The following S100Z variants were observed in gnomAD, a reference collection of about 807,000 sequenced individuals.
S100Z encodes S100 calcium binding protein Z.
S100Z carries 11 observed loss-of-function variants against 8.5 expected under a neutral mutation model. The observed-to-expected ratio is 1.30, with a 90% CI of 0.82 to 2.15. The LOEUF (loss-of-function observed/expected upper bound fraction) is 2.15. Ranked by LOEUF, S100Z falls within the 30% of genes most tolerant of loss-of-function variation. The pLI is 0.00. For synonymous variants in S100Z, 34 were observed against 43.8 expected, an observed-to-expected ratio of 0.78 and a Z score of 0.89; for missense variants, 126 against 117.9, an observed-to-expected ratio of 1.07 and a Z score of -0.32.
chr5:76,878,494 C>G (rs1743279436), intron 4 of S100Z, among the ~76,000 whole-genome samples: 2 of 152,188 alleles, frequency 1.3e-5, no homozygotes, highest in Admixed American at 1.3e-4. Flanking sequence ...CGGTAGGCCC[C>G]AAGGGAGGCC....
the S100Z span, among the ~76,000 whole-genome samples, chr5:76,930,236 G>T: frequency 6.6e-6 from 1 of 152,218 alleles, no homozygotes; most frequent in Non-Finnish European, 1.5e-5. Context: ...GTTAGACAGA[G>T]ATTCTCAGAC....
At chr5:76,869,536 T>C (rs902380728) in intron 1 of S100Z, among the ~76,000 whole-genome samples, 1 of 152,192 alleles carries the variant, frequency 6.6e-6, no homozygotes, top group Non-Finnish European at 1.5e-5. Context: ...ACCCTTTGAA[T>C]GGCCAGGAGC....
At chr5:76,929,579 T>C in the S100Z span, among the ~76,000 whole-genome samples, 1 of 152,116 alleles carries the variant, frequency 6.6e-6, no homozygotes, top group Non-Finnish European at 1.5e-5. Context: ...CCAATAGAAC[T>C]CAGTATTTTG....
At chr5:76,909,588 A>G (rs1180491715) in intron 4 of S100Z, among the ~76,000 whole-genome samples, 1 of 152,042 alleles carries the variant, frequency 6.6e-6, no homozygotes, top group Admixed American at 6.6e-5. Context: ...TCCCCTTCCT[A>G]TTAATGATAA....
intron 1 of S100Z, among the ~76,000 whole-genome samples, chr5:76,852,259 C>G (rs1750752624): frequency 6.6e-6 from 1 of 152,068 alleles, no homozygotes; most frequent in Non-Finnish European, 1.5e-5. Flanking sequence ...TGAACTCACC[C>G]TTCTATCAAA....
At chr5:76,876,371 A>AT (rs796432506) in intron 3 of S100Z, among the ~76,000 whole-genome samples, 10,475 of 141,322 alleles carry the variant, frequency 0.074, 841 homozygotes, top group African/African-American at 0.21. Flanking sequence ...TGGCTACTGT[A>AT]TTTTTTTTTT....
At chr5:76,864,395 T>A (rs1294703972) in intron 1 of S100Z, among the ~76,000 whole-genome samples, 66 of 105,080 alleles carry the variant, frequency 6.3e-4, no homozygotes, top group African/African-American at 3.4e-3. Flanking sequence ...TATTTTTTTT[T>A]TTTTTTTTTT....
At chr5:76,923,841 G>T (rs2150691643), downstream of S100Z, among the ~76,000 whole-genome samples, 1 of 152,266 alleles carries the variant, frequency 6.6e-6, no homozygotes, top group Non-Finnish European at 1.5e-5. Flanking sequence ...ATTTGTTGGG[G>T]CTCAAAGAAA....
intron 4 of S100Z, among the ~76,000 whole-genome samples, chr5:76,883,718 G>A (rs1423666390): frequency 1.3e-5 from 2 of 152,162 alleles, no homozygotes. Context: ...CAGGGGCTCC[G>A]GGAGTGGCTG....
chr5:76,907,730 G>C (rs1272516876), intron 4 of S100Z, among the ~76,000 whole-genome samples: 1 of 152,122 alleles, frequency 6.6e-6, no homozygotes, highest in Non-Finnish European at 1.5e-5. Flanking sequence ...TGGTTGCCAA[G>C]TAGCCAAACA....
At chr5:76,929,563 G>T in the S100Z span, among the ~76,000 whole-genome samples, 12 of 152,282 alleles carry the variant, frequency 7.9e-5, no homozygotes, top group Admixed American at 7.2e-4. Context: ...TTGCTTTACA[G>T]TTATTCCAAT....
chr5:76,873,063 G>T (rs1354099526), intron 2 of S100Z, among the ~76,000 whole-genome samples: 1 of 152,120 alleles, frequency 6.6e-6, no homozygotes. Flanking sequence ...TCCCCATTTA[G>T]ACTAATGGGG....
At chr5:76,871,782 C>T (rs1041689155) in intron 2 of S100Z, among the ~76,000 whole-genome samples, 8 of 152,216 alleles carry the variant, frequency 5.3e-5, no homozygotes, top group African/African-American at 1.9e-4. Flanking sequence ...CCACCTTGGC[C>T]TCCCAAAGTA....
chr5:76,877,928 C>A, intron 4 of S100Z, 94 bp downstream of exon 4: 2 of 725,738 alleles, frequency 2.8e-6, no homozygotes, highest in South Asian at 2.0e-5. Flanking sequence ...CCAGTAATGT[C>A]ATTTATAGCT....
rs1408805821 is a variant in S100Z at position 76,871,327 on chromosome 5, C to T, written c.-57+1043C>T. 2.0e-5 allele frequency among the ~76,000 whole-genome samples: 3 copies of T among 152,088 alleles called. 1 individual carries two copies. Among genetic ancestry groups the T allele is most frequent in the Non-Finnish European group, 2.9e-5 (2 of 68,036 alleles). ...TAGGAGAAATTAACTAGGAATTTGA[C>T]ACTTTTTAAGGTCCAAAAAGAAACA... is the stretch of plus-strand genomic sequence containing the variant. On this transcript the variant is annotated intron_variant, in intron 2 of 4. Transcript: ENST00000317593.
At chr5:76,896,988 G>T (rs1287593371) in intron 4 of S100Z, among the ~76,000 whole-genome samples, 3 of 152,042 alleles carry the variant, frequency 2.0e-5, no homozygotes, top group Non-Finnish European at 4.4e-5. Flanking sequence ...TTGTTTCCGG[G>T]TTCTCTATTT....
chr5:76,945,124 G>A, the S100Z span, among the ~76,000 whole-genome samples: 1 of 152,168 alleles, frequency 6.6e-6, no homozygotes, highest in Non-Finnish European at 1.5e-5. Context: ...GTGTTGTATG[G>A]AATCAAGGTT....
the S100Z span, among the ~76,000 whole-genome samples, chr5:76,950,377 C>T: frequency 8.5e-5 from 13 of 152,278 alleles, no homozygotes; most frequent in East Asian, 5.8e-4. Context: ...CTGTGTGTGT[C>T]TCATCAGTCT....
intron 2 of S100Z, among the ~76,000 whole-genome samples, chr5:76,873,505 A>C (rs961406633): frequency 1.3e-5 from 2 of 152,028 alleles, no homozygotes; most frequent in African/African-American, 4.8e-5. Context: ...ACAGGGTTTC[A>C]CCATTTTGGT....
Sources: gnomAD v4.1 joint callset for allele counts (sites outside exome capture counted in the v4.1 genomes callset) on GRCh38, gnomAD v4.1.1 for gene constraint, MANE v1.5 for transcripts, NCBI Gene and HGNC (gene_info 2026-07-23, HGNC 2026-07-21) for gene names.